The following SLC49A4 variants were observed in gnomAD, a reference collection of about 807,000 sequenced individuals.
The protein encoded by SLC49A4 is disrupted in renal cancer protein 2.
A neutral mutation model predicts 50.6 loss-of-function variants in SLC49A4; 36 were observed. The ratio of observed to expected loss-of-function variants is 0.71; its 90% confidence interval spans 0.55 to 0.94. SLC49A4 has a LOEUF of 0.94. Ranked by LOEUF, SLC49A4 falls within the 40% of genes least tolerant of loss-of-function variation. The probability of loss-of-function intolerance (pLI) is 0.00; values close to 1 mark genes in which losing one functional copy is unlikely to be tolerated. For missense variants in SLC49A4, 503 were observed against 605.7 expected (o/e 0.83, Z 1.78); for synonymous variants, 248 against 241.2 (o/e 1.03, Z -0.26).
At chr3:122,866,772 C>G (rs1483534478) in intron 7 of SLC49A4, among the ~76,000 whole-genome samples, 1 of 152,100 alleles carries the variant, frequency 6.6e-6, no homozygotes, top group Non-Finnish European at 1.5e-5. Context: ...ACACCACTGA[C>G]CTGCCAGATG....
At chr3:122,845,937 C>G in intron 5 of SLC49A4, 66 bp downstream of exon 5, 1 of 1,203,722 alleles carries the variant, frequency 8.3e-7, no homozygotes, top group Non-Finnish European at 1.2e-6. Context: ...ATACTGGTTA[C>G]GTGTTCTTGG....
chr3:122,863,395 A>C (rs1241913108), intron 7 of SLC49A4, among the ~76,000 whole-genome samples: 2 of 152,236 alleles, frequency 1.3e-5, no homozygotes, highest in Non-Finnish European at 2.9e-5. Flanking sequence ...TGTTATCTCC[A>C]TTTGAGCCAC....
At chr3:122,856,603 G>A (rs1380242766) in intron 6 of SLC49A4, among the ~76,000 whole-genome samples, 1 of 152,198 alleles carries the variant, frequency 6.6e-6, no homozygotes, top group Non-Finnish European at 1.5e-5. Context: ...TTGGGAGGCT[G>A]AGGCAGGCGG....
intron 4 of SLC49A4, among the ~76,000 whole-genome samples, chr3:122,836,307 G>T (rs1936685319): frequency 6.6e-6 from 1 of 151,052 alleles, no homozygotes; most frequent in African/African-American, 2.4e-5. Context: ...TTATTGATTT[G>T]CATATGTTGA....
At chr3:122,856,836 C>CAA (rs11375250) in intron 6 of SLC49A4, among the ~76,000 whole-genome samples, 5 of 71,070 alleles carry the variant, frequency 7.0e-5, no homozygotes, top group Non-Finnish European at 5.8e-5. Flanking sequence ...GACTCCATCT[C>CAA]AAAAAAAAAA....
intron 8 of SLC49A4, among the ~76,000 whole-genome samples, chr3:122,874,843 C>G (rs1937244795): frequency 6.6e-6 from 1 of 152,142 alleles, no homozygotes; most frequent in South Asian, 2.1e-4. Flanking sequence ...GAGCCAAGTC[C>G]AGGGCACAGC....
At chr3:122,841,749 A>T (rs115890314) in intron 4 of SLC49A4, among the ~76,000 whole-genome samples, 1,809 of 152,342 alleles carry the variant, frequency 0.012, 38 homozygotes, top group African/African-American at 0.039. Context: ...AATAGAATGG[A>T]ATAAAATAGA....
intron 8 of SLC49A4, among the ~76,000 whole-genome samples, chr3:122,875,284 T>G (rs1272024993): frequency 6.6e-6 from 1 of 152,226 alleles, no homozygotes; most frequent in African/African-American, 2.4e-5. Flanking sequence ...TTTTGAAACT[T>G]GAAAACTCAC....
At chr3:122,855,316 G>A (rs1936973254) in intron 5 of SLC49A4, among the ~76,000 whole-genome samples, 1 of 152,164 alleles carries the variant, frequency 6.6e-6, no homozygotes, top group South Asian at 2.1e-4. Context: ...AAGAAGCTCT[G>A]ACAGGGGTCA....
chr3:122,825,214 C>A (rs1936509666), intron 2 of SLC49A4, among the ~76,000 whole-genome samples: 1 of 152,164 alleles, frequency 6.6e-6, no homozygotes, highest in Admixed American at 6.5e-5. Context: ...CTTTATGGGT[C>A]ATCACACACT....
At chr3:122,805,137 G>A (rs1035838850) in intron 1 of SLC49A4, among the ~76,000 whole-genome samples, 1 of 152,122 alleles carries the variant, frequency 6.6e-6, no homozygotes, top group Non-Finnish European at 1.5e-5. Flanking sequence ...TTATGACCAT[G>A]TATGTACGTT....
chr3:122,855,966 A>C (rs1936984251), intron 5 of SLC49A4, among the ~76,000 whole-genome samples: 1 of 152,066 alleles, frequency 6.6e-6, no homozygotes, highest in Non-Finnish European at 1.5e-5. Context: ...TTAGCATCTC[A>C]TTATTACCTA....
At chr3:122,812,707 A>G (rs1936315541) in intron 2 of SLC49A4, among the ~76,000 whole-genome samples, 1 of 152,248 alleles carries the variant, frequency 6.6e-6, no homozygotes, top group Admixed American at 6.5e-5. Flanking sequence ...AATTGATTAA[A>G]CAAATACCTT....
At chr3:122,800,381 CA>C (rs1936113469) in intron 1 of SLC49A4, among the ~76,000 whole-genome samples, 1 of 152,120 alleles carries the variant, frequency 6.6e-6, no homozygotes, top group Non-Finnish European at 1.5e-5. Flanking sequence ...TAAAATGTAA[CA>C]AGAGGAATCA....
Position 122,850,511 on chromosome 3 carries a change from AT to A in SLC49A4, c.942+4654del, listed in dbSNP as rs34348304. ...TAAATCTTTAATCCATTTTGAGTTG[AT>A]TTTTTTTTTTTTTGAGACAGCATCT... On this transcript the variant is annotated intron_variant, in intron 5 of 8. Transcript: ENST00000261038. 2.0e-3 allele frequency among the ~76,000 whole-genome samples: 292 copies of A among 145,624 alleles called. 1 individual carries two copies. The highest frequency in any genetic ancestry group is 3.5e-3 in the Middle Eastern group (1 of 282).
chr3:122,826,609 T>C (rs1181434818), intron 2 of SLC49A4, among the ~76,000 whole-genome samples, 191 bp from the exon 3 acceptor site: 1 of 152,240 alleles, frequency 6.6e-6, no homozygotes, highest in Non-Finnish European at 1.5e-5. Flanking sequence ...TTACTATGTT[T>C]GATCCTCCCT....
intron 5 of SLC49A4, among the ~76,000 whole-genome samples, chr3:122,853,144 G>A (rs115608082): frequency 5.9e-4 from 90 of 152,238 alleles, no homozygotes; most frequent in African/African-American, 2.2e-3. Context: ...TATATCTGGC[G>A]AGGGCTCACT....
At chr3:122,859,956 A>T in intron 6 of SLC49A4, 119 bp from the exon 7 acceptor site, 2 of 949,708 alleles carry the variant, frequency 2.1e-6, no homozygotes, top group Non-Finnish European at 1.5e-6. Flanking sequence ...AAACACTGAA[A>T]ACTGTCTTTT....
chr3:122,864,865 T>A (rs2107581183), intron 7 of SLC49A4, among the ~76,000 whole-genome samples: 1 of 152,134 alleles, frequency 6.6e-6, no homozygotes. Flanking sequence ...AATAAAAAAA[T>A]TACCAGATAT....
Sources: gnomAD v4.1 joint callset for allele counts (sites outside exome capture counted in the v4.1 genomes callset) on GRCh38, gnomAD v4.1.1 for gene constraint, MANE v1.5 for transcripts, NCBI Gene and HGNC (gene_info 2026-07-23, HGNC 2026-07-21) for gene names.